Variants in ARHGAP39 observed in about 807,000 individuals in gnomAD.
ARHGAP39 encodes the protein rho GTPase-activating protein 39.
In ARHGAP39, 44 loss-of-function variants were observed where a neutral mutation model predicts 106.9. The observed-to-expected ratio is 0.41, with a 90% CI of 0.32 to 0.53. ARHGAP39 has a LOEUF of 0.53. Ranked by LOEUF, ARHGAP39 falls within the 20% of genes least tolerant of loss-of-function variation. The probability of loss-of-function intolerance (pLI) is 0.21; values close to 1 mark genes in which losing one functional copy is unlikely to be tolerated. For missense variants in ARHGAP39, 1,496 were observed against 1,577.3 expected, an observed-to-expected ratio of 0.95 and a Z score of 0.87; for synonymous variants, 768 against 693.2, an observed-to-expected ratio of 1.11 and a Z score of -1.69.
chr8:144,598,776 A>G (rs1267606331), intron 2 of ARHGAP39, among the ~76,000 whole-genome samples: 2 of 152,232 alleles, frequency 1.3e-5, no homozygotes, highest in Non-Finnish European at 2.9e-5. Context: ...AAGGATGGCC[A>G]ACCTGACTAC....
chr8:144,656,766 C>A (rs1230468022), intron 1 of ARHGAP39, among the ~76,000 whole-genome samples: 1 of 135,384 alleles, frequency 7.4e-6, no homozygotes, highest in Non-Finnish European at 1.5e-5. Context: ...TGAGATGGTG[C>A]CACTGCACTC....
chr8:144,688,906 A>G (rs1822688786), upstream of ARHGAP39, among the ~76,000 whole-genome samples: 1 of 152,188 alleles, frequency 6.6e-6, no homozygotes, highest in African/African-American at 2.4e-5. Context: ...ACAAAATAAT[A>G]TAGATCTAAA....
chr8:144,596,151 G>C (rs1289585814), intron 2 of ARHGAP39, among the ~76,000 whole-genome samples: 2 of 152,218 alleles, frequency 1.3e-5, no homozygotes, highest in Non-Finnish European at 2.9e-5. Context: ...CAGCAGAGGG[G>C]ACGGCTGAGG....
At chr8:144,610,734 G>A (rs1366429576) in intron 1 of ARHGAP39, among the ~76,000 whole-genome samples, 1 of 151,702 alleles carries the variant, frequency 6.6e-6, no homozygotes, top group African/African-American at 2.4e-5. Flanking sequence ...TTTTTTTTTA[G>A]GTATTTAGTA....
At chr8:144,575,063 A>G (rs1184630211) in intron 3 of ARHGAP39, among the ~76,000 whole-genome samples, 1 of 152,230 alleles carries the variant, frequency 6.6e-6, no homozygotes, top group Non-Finnish European at 1.5e-5. Flanking sequence ...GACAATGGTG[A>G]GTATTTGTGT....
intron 5 of ARHGAP39, among the ~76,000 whole-genome samples, chr8:144,546,012 G>A (rs542018122): frequency 1.5e-4 from 23 of 152,314 alleles, no homozygotes; most frequent in South Asian, 1.2e-3. Flanking sequence ...CTGGGACGCC[G>A]GAGCCCTGTA....
intron 1 of ARHGAP39, among the ~76,000 whole-genome samples, chr8:144,621,480 G>A (rs76376440): frequency 6.6e-6 from 1 of 152,360 alleles, no homozygotes; most frequent in East Asian, 1.9e-4. Context: ...GAGGTTCTGA[G>A]GCAAGAGGCG....
upstream of ARHGAP39, among the ~76,000 whole-genome samples, chr8:144,690,673 C>G (rs1822724454): frequency 2.0e-5 from 3 of 147,496 alleles, no homozygotes; most frequent in South Asian, 6.4e-4. Context: ...GAGACAGGGT[C>G]TTGCTCTGTT....
chr8:144,631,391 C>T (rs558227650), intron 1 of ARHGAP39, among the ~76,000 whole-genome samples: 48 of 152,364 alleles, frequency 3.2e-4, no homozygotes, highest in Middle Eastern at 3.4e-3. Flanking sequence ...TTCCAACCCT[C>T]GAGTTCTCAT....
chr8:144,568,909 G>A (rs748158229), intron 3 of ARHGAP39, among the ~76,000 whole-genome samples: 32 of 152,120 alleles, frequency 2.1e-4, no homozygotes, highest in Middle Eastern at 3.4e-3. Context: ...GAGAACAAAA[G>A]AGACAACAAA....
At position 144,555,571 on chromosome 8, in the gene ARHGAP39, A is replaced by G. The variant is rs375319204; in HGVS notation, c.585T>C (p.Leu195=). The G allele has an allele frequency of 1.1e-4, 180 of 1,613,852 alleles. No individual in the cohort carries two copies. The Admixed American group carries it at 1.1e-3, about 10-fold the overall frequency. ...GAGATGGGTTCTACCTGTAGTGAAG[A>G]AGCTGGCCGTCCGCACTGTAATCCC... ...IYRDYSADGQ[L]LHYRTSSLRW... The change falls in exon 4 of 12, where the codon CTT becomes CTC. Residue 195 remains leucine, a synonymous_variant. Transcript: ENST00000377307.
intron 2 of ARHGAP39, among the ~76,000 whole-genome samples, chr8:144,601,382 G>T (rs1384808213): frequency 7.2e-6 from 1 of 139,586 alleles, no homozygotes; most frequent in Non-Finnish European, 1.5e-5. Flanking sequence ...CTGTGTGTGC[G>T]TTGAGGCGTG....
intron 4 of ARHGAP39, among the ~76,000 whole-genome samples, chr8:144,551,826 G>A (rs1817703418): frequency 6.6e-6 from 1 of 152,192 alleles, no homozygotes; most frequent in Non-Finnish European, 1.5e-5. Context: ...CCCCTGCTGG[G>A]CTTCCTCCTG....
rs150289133 is a variant in ARHGAP39 at position 144,671,455 on chromosome 8, T to G, written c.-82+14231A>C. Among the ~76,000 whole-genome samples the G allele has an allele frequency of 1.3e-5, 2 of 152,300 alleles. No homozygotes were observed. Among genetic ancestry groups the G allele is most frequent in the East Asian group, 3.9e-4 (2 of 5,186 alleles). Reference sequence around the variant, plus strand: ...GGCTCAAGCTGAGAAGTGCTCCCCTTCAGGAGACAGTGTCACTCTACACGC... The same window carrying G: ...GGCTCAAGCTGAGAAGTGCTCCCCTGCAGGAGACAGTGTCACTCTACACGC... On this transcript the variant is annotated intron_variant, in intron 1 of 11. Transcript: ENST00000377307. The surrounding 1 kb of genome is among the most constrained non-coding windows in gnomAD (Gnocchi z 4.5).
At chr8:144,560,610 TCCTA>T (rs1564847911) in intron 3 of ARHGAP39, among the ~76,000 whole-genome samples, 1 of 152,204 alleles carries the variant, frequency 6.6e-6, no homozygotes, top group Non-Finnish European at 1.5e-5. Flanking sequence ...TATCTAACCC[TCCTA>T]CCATTTCTGA....
chr8:144,582,907 C>T (rs561759515), intron 2 of ARHGAP39, among the ~76,000 whole-genome samples: 1 of 152,308 alleles, frequency 6.6e-6, no homozygotes, highest in South Asian at 2.1e-4. Flanking sequence ...TGTTGTTTTG[C>T]TCAGCTTGAG....
At chr8:144,663,925 G>A (rs1342635965) in intron 1 of ARHGAP39, among the ~76,000 whole-genome samples, 1 of 152,208 alleles carries the variant, frequency 6.6e-6, no homozygotes, top group African/African-American at 2.4e-5. Flanking sequence ...CCAGCACGCT[G>A]GGTGGCTGAG....
upstream of ARHGAP39, among the ~76,000 whole-genome samples, chr8:144,689,397 C>T (rs995471859): frequency 2.2e-5 from 3 of 138,770 alleles, no homozygotes; most frequent in African/African-American, 7.8e-5. Context: ...ATTTAAAATA[C>T]ATAACATAAA....
At chr8:144,600,549 AGT>A (rs1350410008) in intron 2 of ARHGAP39, among the ~76,000 whole-genome samples, 2 of 76,536 alleles carry the variant, frequency 2.6e-5, no homozygotes, top group South Asian at 3.9e-4. Flanking sequence ...TGTGTACCTG[AGT>A]GTGCGTGTGC....
Sources: gnomAD v4.1 joint callset for allele counts (sites outside exome capture counted in the v4.1 genomes callset) on GRCh38, gnomAD v4.1.1 for gene constraint, Gnocchi (gnomAD v3.1) non-coding constraint, MANE v1.5 for transcripts, NCBI Gene and HGNC (gene_info 2026-07-23, HGNC 2026-07-21) for gene names.